The following NFATC2 variants were observed in gnomAD, a reference collection of about 807,000 sequenced individuals.
NFATC2 encodes nuclear factor of activated T-cells, cytoplasmic 2.
In NFATC2, 22 loss-of-function variants were observed where a neutral mutation model predicts 87.3. That is an observed-to-expected ratio of 0.25 (90% CI 0.18 to 0.36). The LOEUF (loss-of-function observed/expected upper bound fraction) is 0.36, where lower values mean the gene tolerates loss of function less well. Ranked by LOEUF, NFATC2 falls within the 10% of genes least tolerant of loss-of-function variation. NFATC2 has a pLI of 1.00. For synonymous variants in NFATC2, 565 were observed against 542.2 expected (o/e 1.04, Z -0.58); for missense variants, 1,149 against 1,259.1 (o/e 0.91, Z 1.32).
chr20:51,514,942 G>A (rs906664295), intron 3 of NFATC2, among the ~76,000 whole-genome samples: 8 of 152,146 alleles, frequency 5.3e-5, no homozygotes, highest in African/African-American at 1.9e-4. Flanking sequence ...AGAAGACTGC[G>A]GTCCCCAAGG....
At chr20:51,501,416 A>G (rs1215602114) in intron 3 of NFATC2, among the ~76,000 whole-genome samples, 1 of 152,186 alleles carries the variant, frequency 6.6e-6, no homozygotes, top group Non-Finnish European at 1.5e-5. Flanking sequence ...ATTCACCATC[A>G]ACACTTAACT....
Position 51,503,815 on chromosome 20 carries a change from A to G in NFATC2, c.1332+12969T>C, listed in dbSNP as rs550847641. Among the ~76,000 whole-genome samples, 3 of 152,320 alleles carry G rather than the reference A, an allele frequency of 2.0e-5. No homozygotes were observed. The South Asian group carries it at 6.2e-4, about 32-fold the overall frequency. On this transcript the variant is annotated intron_variant, in intron 3 of 10. Coordinates refer to ENST00000371564, the MANE Select transcript of NFATC2 (RefSeq NM_012340.5). ...AGCCTGAACAACCTGATGAAGAAAC[A>G]ATCTCACTTGATGCTTGACCAGCCT...
intron 10 of NFATC2, among the ~76,000 whole-genome samples, chr20:51,396,801 A>G (rs1248470722): frequency 6.6e-6 from 1 of 152,158 alleles, no homozygotes; most frequent in Non-Finnish European, 1.5e-5. Context: ...ACCTGAAAGC[A>G]CATGAAGTCC....
At chr20:51,454,438 A>G in intron 6 of NFATC2, 110 bp downstream of exon 6, 1 of 1,196,950 alleles carries the variant, frequency 8.4e-7, no homozygotes, top group Non-Finnish European at 1.2e-6. Context: ...AGCAGGGTAT[A>G]AAACTGCACG....
At chr20:51,478,555 C>A (rs1988956817) in intron 3 of NFATC2, among the ~76,000 whole-genome samples, 1 of 152,188 alleles carries the variant, frequency 6.6e-6, no homozygotes, top group African/African-American at 2.4e-5. Context: ...CTTGTTGGCA[C>A]ACCTGCCCAA....
intron 1 of NFATC2, among the ~76,000 whole-genome samples, chr20:51,559,814 A>T (rs2077006704): frequency 6.6e-6 from 1 of 152,210 alleles, no homozygotes; most frequent in Non-Finnish European, 1.5e-5. Context: ...ACTGTCAGAC[A>T]ATACTATTTG....
chr20:51,405,275 C>T (rs754007343), intron 9 of NFATC2, among the ~76,000 whole-genome samples: 1 of 152,172 alleles, frequency 6.6e-6, no homozygotes, highest in Non-Finnish European at 1.5e-5. Flanking sequence ...TGATGCCTTT[C>T]AAACCCCAGA....
intron 10 of NFATC2, among the ~76,000 whole-genome samples, chr20:51,394,335 G>GA (rs1448612879): frequency 6.6e-6 from 1 of 152,120 alleles, no homozygotes; most frequent in Non-Finnish European, 1.5e-5. Flanking sequence ...GGGTGCAGGG[G>GA]AACCCCAGTG....
At chr20:51,416,933 G>A (rs1407339102) in intron 9 of NFATC2, among the ~76,000 whole-genome samples, 1 of 152,178 alleles carries the variant, frequency 6.6e-6, no homozygotes, top group Admixed American at 6.5e-5. Flanking sequence ...TCCACATGGA[G>A]GGCCCAGGAG....
chr20:51,488,415 G>GC (rs2075821539), intron 3 of NFATC2, among the ~76,000 whole-genome samples: 1 of 152,150 alleles, frequency 6.6e-6, no homozygotes, highest in African/African-American at 2.4e-5. Flanking sequence ...GTCGGGGGCT[G>GC]CCCCAGGCAT....
At chr20:51,489,779 A>G (rs1042036780) in intron 3 of NFATC2, among the ~76,000 whole-genome samples, 2 of 152,238 alleles carry the variant, frequency 1.3e-5, no homozygotes, top group East Asian at 3.8e-4. Context: ...GCTCAGAAAC[A>G]TACCAAGTAA....
At chr20:51,550,949 T>A (rs545638313) in intron 1 of NFATC2, among the ~76,000 whole-genome samples, 1 of 152,248 alleles carries the variant, frequency 6.6e-6, no homozygotes, top group Non-Finnish European at 1.5e-5. Context: ...ATTTTCATCA[T>A]GAACTCCATG....
At chr20:51,413,470 C>T (rs576113986) in intron 9 of NFATC2, among the ~76,000 whole-genome samples, 2 of 152,090 alleles carry the variant, frequency 1.3e-5, no homozygotes, top group Non-Finnish European at 2.9e-5. Flanking sequence ...TCAAAAAAAC[C>T]TAAAGAGGCG....
At chr20:51,404,507 G>A (rs890434659) in intron 9 of NFATC2, among the ~76,000 whole-genome samples, 1 of 152,200 alleles carries the variant, frequency 6.6e-6, no homozygotes, top group South Asian at 2.1e-4. Flanking sequence ...TTTCTCATCT[G>A]TAATATGGGA....
intron 1 of NFATC2, among the ~76,000 whole-genome samples, chr20:51,556,236 C>G (rs988803256): frequency 6.6e-6 from 1 of 152,194 alleles, no homozygotes; most frequent in Non-Finnish European, 1.5e-5. Context: ...TTGATTCAAA[C>G]TTCCGGCCTC....
intron 1 of NFATC2, among the ~76,000 whole-genome samples, chr20:51,539,701 G>A (rs554838403): frequency 1.3e-5 from 2 of 152,274 alleles, no homozygotes; most frequent in African/African-American, 4.8e-5. Flanking sequence ...GTCTTGCTAT[G>A]TTGCCCCAGC....
chr20:51,424,010 C>T (rs912331134), intron 9 of NFATC2, among the ~76,000 whole-genome samples: 2 of 152,122 alleles, frequency 1.3e-5, no homozygotes, highest in East Asian at 1.9e-4. Flanking sequence ...GAAAGGACAG[C>T]TAAGTGGCAC....
At chr20:51,516,378 G>A (rs1003588544) in intron 3 of NFATC2, among the ~76,000 whole-genome samples, 3 of 152,178 alleles carry the variant, frequency 2.0e-5, no homozygotes, top group South Asian at 2.1e-4. Context: ...GTTTGATAAT[G>A]TATAGTTTTA....
intron 3 of NFATC2, among the ~76,000 whole-genome samples, chr20:51,479,192 A>C (rs962300057): frequency 6.6e-6 from 1 of 152,104 alleles, no homozygotes; most frequent in African/African-American, 2.4e-5. Context: ...TAACATCTGA[A>C]ATTTCCTTGT....
Sources: gnomAD v4.1 joint callset for allele counts (sites outside exome capture counted in the v4.1 genomes callset) on GRCh38, gnomAD v4.1.1 for gene constraint, MANE v1.5 for transcripts, NCBI Gene and HGNC (gene_info 2026-07-23, HGNC 2026-07-21) for gene names.